Variants in TFCP2L1 observed in about 807,000 individuals in gnomAD.
TFCP2L1 encodes transcription factor CP2 like 1.
In TFCP2L1, 12 loss-of-function variants were observed where a neutral mutation model predicts 72.2. That is an observed-to-expected ratio of 0.17 (90% CI 0.11 to 0.27). The LOEUF (loss-of-function observed/expected upper bound fraction) is 0.27, where lower values mean the gene tolerates loss of function less well. Ranked by LOEUF, TFCP2L1 falls within the 10% of genes least tolerant of loss-of-function variation. The pLI is 1.00. For synonymous variants in TFCP2L1, 260 were observed against 251.0 expected (o/e 1.04, Z -0.34); for missense variants, 488 against 624.6 (o/e 0.78, Z 2.33).
At position 121,221,595 on chromosome 2, in the gene TFCP2L1, T is replaced by A. The variant is rs1341645993; in HGVS notation, c.*2746A>T. 2.0e-5 allele frequency: 3 copies of A among 151,942 alleles called. No homozygotes were observed. The highest frequency in any genetic ancestry group is 4.4e-5 in the Non-Finnish European group (3 of 68,004). The allele number at this position is 151,942 out of a possible 1,614,324, so 9.4% of individuals were successfully genotyped here. Reference sequence around the variant, plus strand: ...CTGGACCCCTACATCACATCATATATAAAAATATACTCGAAATGGATCAAA... The same window carrying A: ...CTGGACCCCTACATCACATCATATAAAAAAATATACTCGAAATGGATCAAA... On this transcript the variant is annotated 3_prime_UTR_variant, in exon 15 of 15. Transcript: ENST00000263707.
In TFCP2L1 at chr2:121,223,525, C is replaced by T. The variant is rs575170388; in HGVS notation, c.*816G>A. On this transcript the variant is annotated 3_prime_UTR_variant, in exon 15 of 15. Coordinates refer to ENST00000263707, the MANE Select transcript of TFCP2L1 (RefSeq NM_014553.3). ...GACACCTAGGAATGGAATACTCATT[C>T]CTAATCCTCCTTACCCGTGATTGCC... The T allele has an allele frequency of 1.3e-5, 2 of 152,306 alleles. No homozygotes were observed. Among genetic ancestry groups the T allele is most frequent in the South Asian group, 4.1e-4 (2 of 4,822 alleles). 9.4% of individuals were successfully genotyped at this position (152,306 alleles called of 1,614,324 possible).
intron 2 of TFCP2L1, among the ~76,000 whole-genome samples, chr2:121,271,512 T>A (rs1245088979): frequency 6.6e-6 from 1 of 152,200 alleles, no homozygotes; most frequent in Non-Finnish European, 1.5e-5. Flanking sequence ...GTTTATTCAG[T>A]TTATATTCCC....
intron 13 of TFCP2L1, among the ~76,000 whole-genome samples, chr2:121,229,093 T>G (rs1676320833): frequency 6.6e-6 from 1 of 152,124 alleles, no homozygotes; most frequent in South Asian, 2.1e-4. Context: ...ATTTTTGTGT[T>G]TTTAGTAGAG....
chr2:121,247,193 C>T (rs370656702), intron 5 of TFCP2L1, among the ~76,000 whole-genome samples: 1 of 152,162 alleles, frequency 6.6e-6, no homozygotes, highest in Middle Eastern at 3.2e-3. Context: ...TGTCTCTTTA[C>T]TGTGGAGGCC....
At chr2:121,261,597 G>A (rs1686830164) in intron 2 of TFCP2L1, among the ~76,000 whole-genome samples, 1 of 152,078 alleles carries the variant, frequency 6.6e-6, no homozygotes, top group Admixed American at 6.6e-5. Flanking sequence ...TGGTAGAGAA[G>A]GAAAAACTCT....
At chr2:121,275,602 G>A (rs370179613) in intron 2 of TFCP2L1, among the ~76,000 whole-genome samples, 5 of 133,060 alleles carry the variant, frequency 3.8e-5, no homozygotes, top group South Asian at 2.4e-4. Context: ...ACAGGGTCTC[G>A]TTCTATCACC....
intron 5 of TFCP2L1, 57 bp downstream of exon 5, chr2:121,248,107 C>A (rs551489936): frequency 2.6e-6 from 4 of 1,511,036 alleles, no homozygotes; most frequent in Non-Finnish European, 3.6e-6. Flanking sequence ...AGAAACTGCA[C>A]GCAGGCCACC....
intron 2 of TFCP2L1, among the ~76,000 whole-genome samples, chr2:121,268,245 G>GT (rs1401073308): frequency 2.0e-5 from 3 of 152,104 alleles, no homozygotes; most frequent in South Asian, 2.1e-4. Flanking sequence ...GTTCTTTGTT[G>GT]TTTTTTTCTT....
At chr2:121,231,419 G>A (rs1686140772) in intron 13 of TFCP2L1, among the ~76,000 whole-genome samples, 1 of 152,204 alleles carries the variant, frequency 6.6e-6, no homozygotes, top group African/African-American at 2.4e-5. Flanking sequence ...ACTTGGCAGA[G>A]GCCTCTGCTC....
Position 121,224,321 on chromosome 2 carries a change from G to A in TFCP2L1, c.*20C>T. ...TCCACAGGGCTGGGAGCTGGAGACA[G>A]GTATGAGGTCCACTGCTGCTCAGAG... is the stretch of plus-strand genomic sequence containing the variant. On this transcript the variant is annotated 3_prime_UTR_variant, in exon 15 of 15. Transcript: ENST00000263707. 1 of 1,613,764 alleles carries A rather than the reference G, an allele frequency of 6.2e-7. No homozygotes were observed. Among genetic ancestry groups the A allele is most frequent in the Non-Finnish European group, 8.5e-7 (1 of 1,179,876 alleles).
intron 2 of TFCP2L1, among the ~76,000 whole-genome samples, chr2:121,269,712 C>T (rs968464071): frequency 6.6e-6 from 1 of 151,914 alleles, no homozygotes; most frequent in African/African-American, 2.4e-5. Context: ...AGTTCGAGAC[C>T]AGCCTGGCCA....
Position 121,285,048 on chromosome 2 carries a change from C to T in TFCP2L1, c.62G>A (p.Arg21His), listed in dbSNP as rs895079560. The T allele has an allele frequency of 1.3e-6, 2 of 1,506,624 alleles. No homozygotes were observed. The highest frequency in any genetic ancestry group is 2.9e-5 in the African/African-American group (2 of 69,496). The allele number at this position is 1,506,624 out of a possible 1,614,324, so 93.3% of individuals were successfully genotyped here. A position where few individuals can be genotyped will look rare whatever the true frequency, so the allele number is the denominator to read the frequency against. Reference protein sequence around the residue: ...YNQHNSGSYLRDVLALPIFKQ... With the variant: ...YNQHNSGSYLHDVLALPIFKQ... ...CGCGGGGACCGCGCGCGGCCCTTAC[C>T]GCAGGTAGCTGCCGGAGTTGTGCTG... Residue 21 changes from arginine (R) to histidine (H), a missense_variant and splice_region_variant, in exon 1 of 15, where the codon CGT becomes CAT. Physicochemically the swap from Arg to His is conservative, Grantham distance 29. This residue lies in a region of TFCP2L1 where 73 missense variants were observed against 59.7 expected (regional missense o/e 1.22). Coordinates refer to ENST00000263707, the MANE Select transcript of TFCP2L1 (RefSeq NM_014553.3).
intron 2 of TFCP2L1, among the ~76,000 whole-genome samples, chr2:121,255,745 A>ATT (rs67001640): frequency 2.8e-4 from 40 of 141,530 alleles, no homozygotes; most frequent in East Asian, 4.2e-4. Context: ...CCCTGAACTT[A>ATT]TTTTTTTTTT....
intron 3 of TFCP2L1, 124 bp downstream of exon 3, chr2:121,249,447 C>A: frequency 1.2e-6 from 1 of 851,828 alleles, no homozygotes; most frequent in Admixed American, 2.2e-5. Context: ...CCGTTGAGGG[C>A]TGAGCTGAAC....
intron 6 of TFCP2L1, among the ~76,000 whole-genome samples, chr2:121,244,201 C>T (rs1383701321): frequency 6.6e-6 from 1 of 152,238 alleles, no homozygotes; most frequent in Non-Finnish European, 1.5e-5. Context: ...GCATGCAGGG[C>T]ACGCACTGGG....
At chr2:121,236,699 C>T (rs1274489406) in intron 10 of TFCP2L1, among the ~76,000 whole-genome samples, 1 of 149,396 alleles carries the variant, frequency 6.7e-6, no homozygotes, top group East Asian at 2.0e-4. Context: ...GCCTCTCTGA[C>T]CTCTCCTCCC....
intron 11 of TFCP2L1, among the ~76,000 whole-genome samples, chr2:121,234,971 A>G (rs889306139): frequency 6.6e-6 from 1 of 152,246 alleles, no homozygotes; most frequent in Non-Finnish European, 1.5e-5. Context: ...CTCTCGTCCA[A>G]CCAAGAAGAG....
chr2:121,285,003 C>T, intron 1 of TFCP2L1, 45 bp downstream of exon 1: 1 of 1,435,402 alleles, frequency 7.0e-7, no homozygotes, highest in Non-Finnish European at 9.1e-7. Context: ...GCGCCCGGCC[C>T]GCCGGCCCGG....
Position 121,239,021 on chromosome 2 carries a change from C to T in TFCP2L1, c.860+537G>A, listed in dbSNP as rs1241929905. 2.6e-5 allele frequency among the ~76,000 whole-genome samples: 4 copies of T among 152,230 alleles called. No homozygotes were observed. In the East Asian group the frequency reaches 5.8e-4, roughly 22 times the overall value. Reference sequence around the variant, plus strand: ...TGACCCATGGCCCCGTGCTGTGCAGCCCACAACACTCAGGAGAGTGACTGT... The same window carrying T: ...TGACCCATGGCCCCGTGCTGTGCAGTCCACAACACTCAGGAGAGTGACTGT... On this transcript the variant is annotated intron_variant, in intron 8 of 14. Coordinates refer to ENST00000263707, the MANE Select transcript of TFCP2L1 (RefSeq NM_014553.3).
Sources: gnomAD v4.1 joint callset for allele counts (sites outside exome capture counted in the v4.1 genomes callset) on GRCh38, gnomAD v4.1.1 for gene constraint, gnomAD v4.1.1 regional missense constraint, MANE v1.5 for transcripts, NCBI Gene and HGNC (gene_info 2026-07-23, HGNC 2026-07-21) for gene names.